The following PAX8 variants were observed in gnomAD, a reference collection of about 807,000 sequenced individuals.
PAX8 encodes paired box 8.
Under a neutral mutation model 52.4 loss-of-function variants are expected in PAX8, and 15 were observed. The ratio of observed to expected loss-of-function variants is 0.29; its 90% CI spans 0.19 to 0.44. The LOEUF (loss-of-function observed/expected upper bound fraction) is 0.44, where lower values mean the gene tolerates loss of function less well. Among genes scored for constraint, PAX8 ranks in the 20% least tolerant of loss-of-function variants. The probability of loss-of-function intolerance (pLI) is 1.00; values close to 1 mark genes in which losing one functional copy is unlikely to be tolerated. For synonymous variants in PAX8, 284 were observed against 249.7 expected (o/e 1.14, Z -1.29); for missense variants, 554 against 602.5 (o/e 0.92, Z 0.84).
intron 2 of PAX8, among the ~76,000 whole-genome samples, chr2:113,255,203 A>G (rs1448513838): frequency 6.9e-4 from 58 of 84,112 alleles, no homozygotes; most frequent in Non-Finnish European, 1.1e-3. Context: ...AGGGAAGGAG[A>G]GAGGGAAGGA....
At chr2:113,224,547 CAAAAA>C (rs1250640219) in intron 10 of PAX8, among the ~76,000 whole-genome samples, 1 of 52,294 alleles carries the variant, frequency 1.9e-5, no homozygotes, top group Non-Finnish European at 3.9e-5. Context: ...ACTCCGTCTC[CAAAAA>C]AAAAAAAAAA....
intron 4 of PAX8, 21 bp from the exon 5 acceptor site, chr2:113,242,799 G>T (rs774750166): frequency 5.0e-6 from 8 of 1,590,584 alleles, no homozygotes; most frequent in Non-Finnish European, 6.9e-6. Context: ...GAGAAGAAAG[G>T]CCATGAGAGA....
chr2:113,269,283 C>G (rs1018138558), intron 2 of PAX8: 5 of 152,186 alleles, frequency 3.3e-5, no homozygotes, highest in Non-Finnish European at 7.3e-5. Context: ...CACACTGGCT[C>G]TGGAACAATG....
intron 4 of PAX8, 32 bp downstream of exon 4, chr2:113,244,395 A>C: frequency 6.3e-7 from 1 of 1,579,438 alleles, no homozygotes. Context: ...CAGGGGCCCC[A>C]GCCTGACACC....
intron 10 of PAX8, chr2:113,225,832 C>T (rs576276799): frequency 3.0e-4 from 253 of 856,300 alleles, no homozygotes; most frequent in Non-Finnish European, 3.3e-4. Context: ...TGGGGGGAAC[C>T]GACTGGAGAC....
intron 9 of PAX8, among the ~76,000 whole-genome samples, chr2:113,233,330 G>A (rs1425708794): frequency 2.4e-4 from 33 of 137,862 alleles, no homozygotes; most frequent in African/African-American, 3.0e-4. Flanking sequence ...ATGTACGGAG[G>A]AAAAAAAAAA....
At chr2:113,273,926 A>G in intron 2 of PAX8, 1 of 152,218 alleles carries the variant, frequency 6.6e-6, no homozygotes, top group East Asian at 1.9e-4. Flanking sequence ...CAATAAAAGC[A>G]GGCAAGATTT....
At chr2:113,238,753 ACT>A (rs1215757038) in intron 7 of PAX8, 1 of 152,094 alleles carries the variant, frequency 6.6e-6, no homozygotes, top group Non-Finnish European at 1.5e-5. Context: ...GGAATCATAG[ACT>A]CTACTTTATG....
Position 113,242,116 on chromosome 2 carries a change from C to G in PAX8, c.493G>C (p.Val165Leu). 6.2e-7 allele frequency: 1 copy of G among 1,613,614 alleles called. No homozygotes were observed. Among genetic ancestry groups the G allele is most frequent in the South Asian group, 1.1e-5 (1 of 91,004 alleles). ...GACTGGGGTGACTCCGGGGGAGTTA[C>G]AGCTGAGCTGGGGACTGCAGTGGGG... ...PGHTLIPSSA[V>L]TPPESPQSDS... The change falls in exon 6 of 12, where the codon GTA becomes CTA. Residue 165 changes from valine (V) to leucine (L), a missense_variant. Val to Leu is a conservative substitution (Grantham distance 32). This residue lies in a region of PAX8 where 445 missense variants were observed against 409.9 expected (regional missense o/e 1.09). Coordinates refer to ENST00000429538, the MANE Select transcript of PAX8 (RefSeq NM_003466.4).
Position 113,278,447 on chromosome 2 carries a change from T to G in PAX8, c.-53A>C, listed in dbSNP as rs1456153916. On this transcript the variant is annotated 5_prime_UTR_variant, in exon 2 of 12. Transcript: ENST00000429538. ...AGGGCTCGGGGCTTCCTCCCGTAGG[T>G]CCGGGCCGCGCCTGCCGCTGCCCTG... is the stretch of plus-strand genomic sequence containing the variant. 2 of 1,606,688 alleles carry G rather than the reference T, an allele frequency of 1.2e-6. No individual in the cohort carries two copies. Among genetic ancestry groups the G allele is most frequent in the African/African-American group, 1.3e-5 (1 of 74,858 alleles).
In PAX8 at chr2:113,218,013, G is replaced by A. The variant is rs2104409001; in HGVS notation, c.*520C>T. ...GAGGACAGCCAGAGCCTCCGTGTGG[G>A]GCAGGCGGGAGGCTGAGGGAGGTGA... On this transcript the variant is annotated 3_prime_UTR_variant, in exon 12 of 12. Coordinates refer to ENST00000429538, the MANE Select transcript of PAX8 (RefSeq NM_003466.4). 4.3e-6 allele frequency: 1 copy of A among 233,902 alleles called. No homozygotes were observed. The highest frequency in any genetic ancestry group is 6.0e-5 in the East Asian group (1 of 16,584). 14.5% of individuals were successfully genotyped at this position (233,902 alleles called of 1,614,324 possible).
At chr2:113,276,546 G>A (rs1438500652) in intron 2 of PAX8, 1 of 152,094 alleles carries the variant, frequency 6.6e-6, no homozygotes, top group East Asian at 1.9e-4. Flanking sequence ...CTCATCATCT[G>A]GGACTGTTCC....
At chr2:113,221,051 C>G (rs1163768708) in intron 10 of PAX8, among the ~76,000 whole-genome samples, 1 of 152,114 alleles carries the variant, frequency 6.6e-6, no homozygotes, top group African/African-American at 2.4e-5. Context: ...AAGCACTTTC[C>G]CATACATTAT....
intron 9 of PAX8, among the ~76,000 whole-genome samples, chr2:113,230,328 G>A (rs984724714): frequency 6.6e-6 from 1 of 152,124 alleles, no homozygotes; most frequent in Non-Finnish European, 1.5e-5. Flanking sequence ...GCTGCCTCTC[G>A]AGCCTGGCAG....
intron 9 of PAX8, among the ~76,000 whole-genome samples, chr2:113,232,746 C>T (rs1046440286): frequency 1.3e-5 from 2 of 151,974 alleles, no homozygotes; most frequent in African/African-American, 4.8e-5. Flanking sequence ...GGGAGTTTGC[C>T]CTGGGCTGTT....
At chr2:113,261,705 T>C (rs1235982497) in intron 2 of PAX8, among the ~76,000 whole-genome samples, 1 of 152,256 alleles carries the variant, frequency 6.6e-6, no homozygotes, top group Non-Finnish European at 1.5e-5. Flanking sequence ...AATCCCTGTC[T>C]TAGCCCTTTG....
intron 1 of PAX8, 155 bp downstream of exon 1, chr2:113,278,676 G>C: frequency 1.6e-6 from 1 of 635,640 alleles, no homozygotes; most frequent in Non-Finnish European, 2.6e-6. Flanking sequence ...AGAAGCTCCA[G>C]ACTCCAACCT....
intron 2 of PAX8, 67 bp from the exon 3 acceptor site, chr2:113,246,986 T>C (rs1691377749): frequency 2.9e-6 from 4 of 1,392,342 alleles, no homozygotes; most frequent in Non-Finnish European, 4.0e-6. Flanking sequence ...GGATTAGCTA[T>C]GAGTACAGGT....
chr2:113,255,828 G>GA (rs1247218641), intron 2 of PAX8, among the ~76,000 whole-genome samples: 2 of 152,166 alleles, frequency 1.3e-5, no homozygotes, highest in Admixed American at 6.5e-5. Context: ...TCCATCAGGG[G>GA]AAAAAACCAC....
Sources: allele counts gnomAD v4.1 joint callset (sites outside exome capture counted in the v4.1 genomes callset), GRCh38; gene constraint gnomAD v4.1.1; regional missense constraint gnomAD v4.1.1; transcripts MANE v1.5; gene names NCBI Gene and HGNC (gene_info 2026-07-23, HGNC 2026-07-21).